APBB2: variants seen among roughly 807,000 people sequenced by gnomAD.
APBB2 encodes the protein Fe65-like 1.
APBB2 carries 38 observed loss-of-function variants against 82.5 expected under a neutral mutation model. The observed-to-expected ratio is 0.46, with a 90% CI of 0.36 to 0.60. The LOEUF is 0.60. Ranked by LOEUF, APBB2 falls within the 20% of genes least tolerant of loss-of-function variation. The pLI, the probability that APBB2 is intolerant of heterozygous loss-of-function variation, is 0.00. For missense variants in APBB2, 772 were observed against 972.3 expected (o/e 0.79, Z 2.74); for synonymous variants, 341 against 368.2 (o/e 0.93, Z 0.85).
At chr4:41,045,866 G>T (rs907493073) in intron 4 of APBB2, among the ~76,000 whole-genome samples, 4 of 152,238 alleles carry the variant, frequency 2.6e-5, no homozygotes, top group African/African-American at 9.6e-5. Context: ...CTAAAGGAAT[G>T]AATAGAAGAG....
intron 10 of APBB2, among the ~76,000 whole-genome samples, chr4:40,919,657 A>T (rs1245994143): frequency 6.6e-6 from 1 of 152,168 alleles, no homozygotes; most frequent in African/African-American, 2.4e-5. Flanking sequence ...AGCCGCCCAA[A>T]CGGCTAACTC....
chr4:40,981,633 T>C (rs909621696), intron 6 of APBB2, among the ~76,000 whole-genome samples: 2 of 152,192 alleles, frequency 1.3e-5, no homozygotes, highest in East Asian at 3.9e-4. Context: ...GTTGTATGCA[T>C]GGTCTCTGCT....
chr4:41,151,423 A>C (rs1461680440), intron 1 of APBB2, among the ~76,000 whole-genome samples: 3 of 152,212 alleles, frequency 2.0e-5, no homozygotes, highest in Non-Finnish European at 4.4e-5. Flanking sequence ...TTTTTAATTT[A>C]TTTAATTTTA....
Position 41,150,157 on chromosome 4 carries a change from G to A in APBB2, c.-416-7015C>T, listed in dbSNP as rs1325504884. 3.3e-5 allele frequency among the ~76,000 whole-genome samples: 5 copies of A among 152,162 alleles called. No individual in the cohort carries two copies. The East Asian group carries it at 9.6e-4, about 29-fold the overall frequency. On this transcript the variant is annotated intron_variant, in intron 1 of 17. Coordinates refer to ENST00000508593, the MANE Select transcript of APBB2 (RefSeq NM_004307.2). ...ACTGATTTACTGTATTTTACTTAAT[G>A]AGAAAAAGTATTGGAATATTTTTAT...
Position 40,825,968 on chromosome 4 carries a change from C to G in APBB2, c.1735G>C (p.Asp579His). 1.2e-6 allele frequency: 2 copies of G among 1,613,726 alleles called. No homozygotes were observed. Among genetic ancestry groups the G allele is most frequent in the Non-Finnish European group, 8.5e-7 (1 of 1,179,618 alleles). Residue 579 changes from aspartate (D) to histidine (H), a missense_variant and splice_region_variant, in exon 15 of 18, where the codon GAT becomes CAT. By Grantham distance (81) the Asp-to-His change is moderately conservative. Transcript: ENST00000508593. ...AGCTCAGTCTTTGGTGTTGGAAAAT[C>G]TACTACAGGGAACAAAAGCAACACA... ...NVNLDVPLQV[D>H]FPTPKTELVQ...
At chr4:41,126,554 T>G (rs2154001056) in intron 2 of APBB2, among the ~76,000 whole-genome samples, 2 of 152,336 alleles carry the variant, frequency 1.3e-5, no homozygotes, top group Admixed American at 1.3e-4. Context: ...AGGGAGACTG[T>G]GATGCTAAAA....
At chr4:40,870,247 G>A (rs1278057727) in intron 12 of APBB2, among the ~76,000 whole-genome samples, 4 of 152,180 alleles carry the variant, frequency 2.6e-5, no homozygotes, top group African/African-American at 7.2e-5. Flanking sequence ...AGCCCACTGT[G>A]CCCACCACTG....
chr4:40,915,644 C>CA (rs1310020643), intron 10 of APBB2, among the ~76,000 whole-genome samples: 20 of 152,292 alleles, frequency 1.3e-4, no homozygotes, highest in African/African-American at 4.8e-4. Flanking sequence ...GAAATGAACT[C>CA]AGTGAGTTCA....
intron 4 of APBB2, among the ~76,000 whole-genome samples, chr4:41,054,729 G>C (rs1316495156): frequency 2.6e-5 from 4 of 152,080 alleles, no homozygotes; most frequent in Admixed American, 1.3e-4. Flanking sequence ...TAAAAGGTGG[G>C]TGTGAAGTCT....
chr4:40,822,300 A>G (rs909628499), intron 16 of APBB2: 3 of 458,864 alleles, frequency 6.5e-6, no homozygotes, highest in Admixed American at 7.2e-5. Flanking sequence ...CCCATTCTCC[A>G]TTATGCTACG....
At position 41,013,653 on chromosome 4, in the gene APBB2, C is replaced by T. The variant is rs372763494; in HGVS notation, c.765G>A (p.Pro255=). 2.3e-5 allele frequency: 37 copies of T among 1,614,082 alleles called. No homozygotes were observed. Among genetic ancestry groups the T allele is most frequent in the East Asian group, 8.9e-5 (4 of 44,892 alleles). ...TTGTCCAGCTGGACTCCTCATCGCTCGGTGCCAGGTTCTGGATCCGGTGCA... is the reference window on the plus strand; with the variant it reads ...TTGTCCAGCTGGACTCCTCATCGCTTGGTGCCAGGTTCTGGATCCGGTGCA... The part of the protein sequence containing the change: ...CALHRIQNLA[P]SDEESSWTTL... Residue 255 remains proline, a synonymous_variant, in exon 6 of 18, where the codon CCG becomes CCA. Transcript: ENST00000508593.
At chr4:41,060,947 A>G (rs747803975) in intron 4 of APBB2, among the ~76,000 whole-genome samples, 9 of 152,254 alleles carry the variant, frequency 5.9e-5, no homozygotes, top group Non-Finnish European at 1.2e-4. Flanking sequence ...GTAATGGGTA[A>G]TAAAAATAAG....
At chr4:41,176,635 C>T (rs539440170) in intron 1 of APBB2, among the ~76,000 whole-genome samples, 1 of 152,224 alleles carries the variant, frequency 6.6e-6, no homozygotes, top group Admixed American at 6.5e-5. Flanking sequence ...TAATCCAAAA[C>T]CATGGGTTTA....
intron 5 of APBB2, among the ~76,000 whole-genome samples, chr4:41,014,708 C>T (rs1355398397): frequency 2.0e-5 from 3 of 152,194 alleles, no homozygotes; most frequent in Non-Finnish European, 2.9e-5. Context: ...CTTCTGGTGG[C>T]TGGTCTTCAT....
Position 41,014,238 on chromosome 4 carries a change from G to A in APBB2, c.180C>T (p.Asn60=). 2 of 1,614,200 alleles carry A rather than the reference G, an allele frequency of 1.2e-6. No individual in the cohort carries two copies. The highest frequency in any genetic ancestry group is 1.7e-6 in the Non-Finnish European group (2 of 1,180,042). ...TTTTCCTGCATTTGGGAGGTGTGCT[G>A]TTCTTGGTTTCTGTGTGTTTTATTT... is the stretch of plus-strand genomic sequence containing the variant. ...NAEIKHTETK[N]STPPKCRKKY... is the part of the protein sequence containing the mutation. The change falls in exon 6 of 18, where the codon AAC becomes AAT. Residue 60 remains asparagine, a synonymous_variant. Coordinates refer to ENST00000508593, the MANE Select transcript of APBB2 (RefSeq NM_004307.2).
intron 12 of APBB2, chr4:40,857,076 TACG>T: frequency 3.0e-6 from 3 of 985,506 alleles, no homozygotes; most frequent in African/African-American, 1.7e-5. Context: ...CCCCAGGTGC[TACG>T]ACAAGCCCCA....
chr4:41,182,582 T>C (rs1018349928), intron 1 of APBB2, among the ~76,000 whole-genome samples: 6 of 152,352 alleles, frequency 3.9e-5, no homozygotes, highest in African/African-American at 1.4e-4. Context: ...TGAATAGCTA[T>C]ATTAATCTGT....
rs1744244144 is a variant in APBB2, at chr4:40,810,691, A to C, written c.*5401T>G. 1 of 151,656 alleles carries C rather than the reference A, an allele frequency of 6.6e-6. No individual in the cohort carries two copies. Among genetic ancestry groups the C allele is most frequent in the Admixed American group, 6.6e-5 (1 of 15,196 alleles). 9.4% of individuals were successfully genotyped at this position (151,656 alleles called of 1,614,324 possible). On this transcript the variant is annotated 3_prime_UTR_variant, in exon 18 of 18. Coordinates refer to ENST00000508593, the MANE Select transcript of APBB2 (RefSeq NM_004307.2). ...CTGAAGAAGAATTCTTCATGTTATC[A>C]CTCTTGTACAGAAAGATATAAAGTG...
intron 6 of APBB2, among the ~76,000 whole-genome samples, chr4:40,952,925 T>TA (rs1376367550): frequency 6.6e-6 from 1 of 152,194 alleles, no homozygotes; most frequent in Non-Finnish European, 1.5e-5. Context: ...GGCACTATCT[T>TA]TATCCCCATT....
Sources: gnomAD v4.1 joint callset for allele counts (sites outside exome capture counted in the v4.1 genomes callset) on GRCh38, gnomAD v4.1.1 for gene constraint, MANE v1.5 for transcripts, NCBI Gene and HGNC (gene_info 2026-07-23, HGNC 2026-07-21) for gene names.